Variants in RAD54L2 observed in about 807,000 individuals in gnomAD.
RAD54L2 encodes RAD54 like 2.
A neutral mutation model predicts 138.4 loss-of-function variants in RAD54L2; 27 were observed. The ratio of observed to expected loss-of-function variants is 0.20; its 90% CI spans 0.14 to 0.27. RAD54L2 has a LOEUF of 0.27. Ranked by LOEUF, RAD54L2 falls within the 10% of genes least tolerant of loss-of-function variation. The pLI is 1.00. For synonymous variants in RAD54L2, 644 were observed against 723.2 expected (o/e 0.89, Z 1.76); for missense variants, 1,396 against 1,890.2 (o/e 0.74, Z 4.85).
intron 21 of RAD54L2, among the ~76,000 whole-genome samples, chr3:51,659,384 C>G (rs1052458900): frequency 6.6e-6 from 1 of 152,100 alleles, no homozygotes; most frequent in Non-Finnish European, 1.5e-5. Context: ...GGATTACAGG[C>G]GTGAGCCACT....
At chr3:51,551,818 T>C (rs1249851483) in intron 2 of RAD54L2, among the ~76,000 whole-genome samples, 1 of 151,224 alleles carries the variant, frequency 6.6e-6, no homozygotes, top group Non-Finnish European at 1.5e-5. Context: ...AGTGGTGTGA[T>C]CTCGGCTCAC....
intron 2 of RAD54L2, among the ~76,000 whole-genome samples, chr3:51,545,931 CTTTTTTTTTT>C (rs781819728): frequency 1.3e-5 from 1 of 79,454 alleles, no homozygotes; most frequent in Admixed American, 1.5e-4. Context: ...TACATCAATT[CTTTTTTTTTT>C]TTTTTTTTTT....
intron 7 of RAD54L2, 101 bp from the exon 8 acceptor site, chr3:51,633,475 AC>A: frequency 8.7e-7 from 1 of 1,155,390 alleles, no homozygotes; most frequent in South Asian, 1.5e-5. Context: ...ATCTATTATA[AC>A]GCCTTCTCAC....
chr3:51,551,048 T>C (rs1041485070), intron 2 of RAD54L2, among the ~76,000 whole-genome samples: 3 of 152,072 alleles, frequency 2.0e-5, no homozygotes, highest in African/African-American at 7.2e-5. Flanking sequence ...AACAAATTTG[T>C]GTACGTGTGT....
chr3:51,657,602 C>T lies in RAD54L2; in HGVS notation c.3249C>T (p.Asn1083=), dbSNP rs1218242977. 7.6e-6 allele frequency: 12 copies of T among 1,579,948 alleles called. No individual in the cohort carries two copies. The highest frequency in any genetic ancestry group is 9.5e-6 in the Non-Finnish European group (11 of 1,159,516). The part of the protein sequence containing the change: ...TTTDIVIPGL[N]SSTDVQARIN... ...TAGATATTGTTATTCCTGGACTCAA[C>T]AGCTCCACAGATGTACAGGCAAGAA... Residue 1083 remains asparagine, a synonymous_variant, in exon 21 of 23, where the codon AAC becomes AAT. Transcript: ENST00000684192.
At chr3:51,575,703 C>G (rs1200907943) in intron 2 of RAD54L2, among the ~76,000 whole-genome samples, 1 of 152,142 alleles carries the variant, frequency 6.6e-6, no homozygotes, top group East Asian at 1.9e-4. Context: ...ATTTTGTACC[C>G]TGAGACTTTG....
chr3:51,627,991 A>G (rs1291121998), intron 4 of RAD54L2, among the ~76,000 whole-genome samples: 2 of 152,062 alleles, frequency 1.3e-5, no homozygotes, highest in Non-Finnish European at 2.9e-5. Flanking sequence ...AGGGTCTTCT[A>G]CTCTCTGGAG....
chr3:51,626,569 C>T (rs1295129095), intron 3 of RAD54L2, among the ~76,000 whole-genome samples: 2 of 149,866 alleles, frequency 1.3e-5, no homozygotes, highest in Admixed American at 6.7e-5. Context: ...CTTAGCCTCC[C>T]GAGTAGCTGG....
chr3:51,630,997 G>T, intron 7 of RAD54L2, 66 bp downstream of exon 7: 1 of 1,474,846 alleles, frequency 6.8e-7, no homozygotes, highest in Non-Finnish European at 9.3e-7. Context: ...ATTGCCTGCT[G>T]GTGGTTATTA....
At chr3:51,654,970 C>T (rs1701559355) in intron 19 of RAD54L2, among the ~76,000 whole-genome samples, 1 of 152,158 alleles carries the variant, frequency 6.6e-6, no homozygotes, top group Non-Finnish European at 1.5e-5. Flanking sequence ...CCTCTAACTC[C>T]TGCCAAACCA....
Position 51,630,252 on chromosome 3 carries a change from T to C in RAD54L2, c.482-20T>C, listed in dbSNP as rs1186642082. ...CAAATGTGGTCTTGACACCGTTCCC[T>C]TCCATTTTGCTTTTCCTAGAGGAAA... On this transcript the variant is annotated intron_variant, in intron 5 of 22. Transcript: ENST00000684192. 1.2e-6 allele frequency: 2 copies of C among 1,601,140 alleles called. No individual in the cohort carries two copies. Among genetic ancestry groups the C allele is most frequent in the Admixed American group, 1.7e-5 (1 of 59,994 alleles).
At chr3:51,566,330 A>G (rs1324368109) in intron 2 of RAD54L2, among the ~76,000 whole-genome samples, 1 of 151,542 alleles carries the variant, frequency 6.6e-6, no homozygotes, top group East Asian at 1.9e-4. Context: ...TAAAGGGTAC[A>G]CTCCCAGTCA....
At chr3:51,627,830 A>G in intron 4 of RAD54L2, 76 bp downstream of exon 4, 1 of 1,509,696 alleles carries the variant, frequency 6.6e-7, no homozygotes, top group Non-Finnish European at 9.2e-7. Flanking sequence ...TCAATAGCAA[A>G]AAGACTGATT....
Position 51,667,424 on chromosome 3 carries a change from C to G in RAD54L2, c.*4004C>G, listed in dbSNP as rs1240980509. The G allele has an allele frequency of 6.6e-6, 1 of 152,330 alleles. No homozygotes were observed. Among genetic ancestry groups the G allele is most frequent in the East Asian group, 1.9e-4 (1 of 5,200 alleles). The allele number at this position is 152,330 out of a possible 1,614,324, so 9.4% of individuals were successfully genotyped here. Reference sequence around the variant, plus strand: ...CAAGTGATCCACCCTCCTCGGCCTCCCAGTGATGGGATTACAGGCGTGAGC... The same window carrying G: ...CAAGTGATCCACCCTCCTCGGCCTCGCAGTGATGGGATTACAGGCGTGAGC... On this transcript the variant is annotated 3_prime_UTR_variant, in exon 23 of 23. Transcript: ENST00000684192.
intron 2 of RAD54L2, among the ~76,000 whole-genome samples, chr3:51,577,574 G>A (rs976234529): frequency 6.6e-5 from 10 of 152,110 alleles, no homozygotes; most frequent in African/African-American, 1.2e-4. Flanking sequence ...TCTTCTTGTC[G>A]AATTGATCCC....
intron 3 of RAD54L2, among the ~76,000 whole-genome samples, chr3:51,613,319 T>C (rs529420701): frequency 6.6e-6 from 1 of 152,340 alleles, no homozygotes; most frequent in South Asian, 2.1e-4. Context: ...CTTTCTTCTT[T>C]TACCTCTAGC....
At chr3:51,650,653 C>A (rs952339327) in intron 19 of RAD54L2, among the ~76,000 whole-genome samples, 3 of 152,240 alleles carry the variant, frequency 2.0e-5, no homozygotes, top group Non-Finnish European at 4.4e-5. Context: ...CACACAACTA[C>A]ATGAAAACTG....
At chr3:51,592,914 T>G (rs1699870356) in intron 3 of RAD54L2, among the ~76,000 whole-genome samples, 1 of 152,166 alleles carries the variant, frequency 6.6e-6, no homozygotes, top group Non-Finnish European at 1.5e-5. Context: ...TCTATGCAGT[T>G]TTCCTGAAAA....
At chr3:51,555,919 A>C (rs554940590) in intron 2 of RAD54L2, among the ~76,000 whole-genome samples, 12 of 152,310 alleles carry the variant, frequency 7.9e-5, no homozygotes, top group South Asian at 2.1e-4. Context: ...GTGATATTAC[A>C]CAGCCCCTTT....
Sources: gnomAD v4.1 joint callset for allele counts (sites outside exome capture counted in the v4.1 genomes callset) on GRCh38, gnomAD v4.1.1 for gene constraint, MANE v1.5 for transcripts, NCBI Gene and HGNC (gene_info 2026-07-23, HGNC 2026-07-21) for gene names.